STK32A: variants seen among roughly 807,000 people sequenced by gnomAD.
STK32A encodes serine/threonine kinase 32A.
In STK32A, 41 loss-of-function variants were observed where a neutral mutation model predicts 53.2. The observed-to-expected ratio is 0.77, with a 90% CI of 0.60 to 1.00. STK32A has a LOEUF of 1.00. Among genes scored for constraint, STK32A ranks in the 50% least tolerant of loss-of-function variants. The probability of loss-of-function intolerance (pLI) is 0.00; values close to 1 mark genes in which losing one functional copy is unlikely to be tolerated. For synonymous variants in STK32A, 166 were observed against 162.8 expected (o/e 1.02, Z -0.15); for missense variants, 458 against 485.8 (o/e 0.94, Z 0.54).
At chr5:147,370,429 G>A (rs1488356640) in intron 8 of STK32A, among the ~76,000 whole-genome samples, 2 of 152,082 alleles carry the variant, frequency 1.3e-5, no homozygotes, top group Non-Finnish European at 2.9e-5. Context: ...AAAATTTATG[G>A]TATTTTAGAA....
At chr5:147,338,329 C>T (rs1225629894) in intron 5 of STK32A, among the ~76,000 whole-genome samples, 1 of 152,180 alleles carries the variant, frequency 6.6e-6, no homozygotes, top group Non-Finnish European at 1.5e-5. Flanking sequence ...GCCTTTGCTT[C>T]TCCATCACCT....
At chr5:147,260,403 C>T (rs1457498515) in intron 2 of STK32A, among the ~76,000 whole-genome samples, 1 of 151,944 alleles carries the variant, frequency 6.6e-6, no homozygotes, top group African/African-American at 2.4e-5. Flanking sequence ...TCTCCCCTCT[C>T]CTTCCTCTTT....
At chr5:147,242,413 G>A (rs755225374) in intron 2 of STK32A, among the ~76,000 whole-genome samples, 2 of 152,198 alleles carry the variant, frequency 1.3e-5, no homozygotes, top group Non-Finnish European at 2.9e-5. Context: ...CAATAAAAAG[G>A]TAAATAATAC....
chr5:147,248,654 C>G (rs1215905880), intron 2 of STK32A, among the ~76,000 whole-genome samples: 1 of 152,180 alleles, frequency 6.6e-6, no homozygotes, highest in African/African-American at 2.4e-5. Context: ...TTTCTGACTT[C>G]TGAGCAAATC....
intron 2 of STK32A, among the ~76,000 whole-genome samples, chr5:147,264,207 G>C (rs1400972794): frequency 1.3e-5 from 2 of 152,180 alleles, no homozygotes; most frequent in Non-Finnish European, 2.9e-5. Flanking sequence ...AGTAAAACAA[G>C]AAAGAAGGGG....
intron 7 of STK32A, among the ~76,000 whole-genome samples, chr5:147,358,707 T>G (rs1756365783): frequency 6.6e-6 from 1 of 152,198 alleles, no homozygotes; most frequent in Non-Finnish European, 1.5e-5. Flanking sequence ...GGATTTAATT[T>G]AATGGAATTT....
chr5:147,238,964 T>C (rs1444388114), intron 1 of STK32A, among the ~76,000 whole-genome samples: 1 of 152,162 alleles, frequency 6.6e-6, no homozygotes, highest in African/African-American at 2.4e-5. Context: ...TAATATATAA[T>C]GAGTTAAATG....
At chr5:147,301,467 C>T (rs1243454980) in intron 4 of STK32A, among the ~76,000 whole-genome samples, 5 of 152,080 alleles carry the variant, frequency 3.3e-5, no homozygotes, top group Admixed American at 1.3e-4. Context: ...CCTGCTTCCC[C>T]ATAGCCAGAA....
intron 2 of STK32A, among the ~76,000 whole-genome samples, chr5:147,261,773 A>G (rs1754583991): frequency 6.6e-6 from 1 of 152,182 alleles, no homozygotes; most frequent in South Asian, 2.1e-4. Flanking sequence ...GGAATTCACA[A>G]GTAGGATTAT....
chr5:147,260,879 G>A (rs1754533201), intron 2 of STK32A, among the ~76,000 whole-genome samples: 3 of 152,220 alleles, frequency 2.0e-5, no homozygotes, highest in Admixed American at 6.5e-5. Context: ...CAGGTCGTTT[G>A]TGATCATTCA....
At chr5:147,273,367 T>C (rs559760241) in intron 2 of STK32A, among the ~76,000 whole-genome samples, 5 of 152,284 alleles carry the variant, frequency 3.3e-5, no homozygotes, top group African/African-American at 1.2e-4. Flanking sequence ...TGTTATACAA[T>C]AAGAATAACA....
chr5:147,258,708 A>G (rs1754350951), intron 2 of STK32A, among the ~76,000 whole-genome samples: 1 of 150,144 alleles, frequency 6.7e-6, no homozygotes, highest in Non-Finnish European at 1.5e-5. Flanking sequence ...TAAGATAATC[A>G]TTCTTCTCCA....
At chr5:147,356,117 C>T (rs1257289982) in intron 7 of STK32A, among the ~76,000 whole-genome samples, 4 of 151,876 alleles carry the variant, frequency 2.6e-5, no homozygotes, top group Non-Finnish European at 5.9e-5. Context: ...AAAAAAAAAT[C>T]AGGCCCAGAG....
chr5:147,370,847 T>C, intron 9 of STK32A, 77 bp downstream of exon 9: 1 of 932,502 alleles, frequency 1.1e-6, no homozygotes, highest in Non-Finnish European at 1.7e-6. Context: ...GAAGTTAGTA[T>C]ACAATATTGG....
chr5:147,347,990 G>A (rs1236793841), intron 6 of STK32A, among the ~76,000 whole-genome samples: 4 of 152,186 alleles, frequency 2.6e-5, no homozygotes, highest in African/African-American at 9.7e-5. Context: ...AAGTGGACTA[G>A]AACTCTGAGC....
At chr5:147,369,852 T>C (rs1756928508) in intron 8 of STK32A, among the ~76,000 whole-genome samples, 1 of 152,112 alleles carries the variant, frequency 6.6e-6, no homozygotes, top group Non-Finnish European at 1.5e-5. Context: ...ACAAGAATGA[T>C]ATAATCTCTG....
chr5:147,259,829 TTCTCTCTCCTCTG>T (rs1400694641), intron 2 of STK32A, among the ~76,000 whole-genome samples: 3 of 144,562 alleles, frequency 2.1e-5, no homozygotes, highest in Admixed American at 6.9e-5. Flanking sequence ...TCTCTCTTGT[TTCTCTCTCCTCTG>T]TCTCTCTCCT....
intron 5 of STK32A, among the ~76,000 whole-genome samples, chr5:147,339,606 C>T (rs1222336650): frequency 6.6e-6 from 1 of 152,338 alleles, no homozygotes; most frequent in Admixed American, 6.5e-5. Flanking sequence ...ACATACAATG[C>T]CAGCCAATGA....
At chr5:147,368,938 T>C (rs563668209) in intron 8 of STK32A, among the ~76,000 whole-genome samples, 1 of 152,166 alleles carries the variant, frequency 6.6e-6, no homozygotes, top group South Asian at 2.1e-4. Context: ...CAGAAAAAAG[T>C]AAAAACACAT....
Sources: allele counts gnomAD v4.1 joint callset (sites outside exome capture counted in the v4.1 genomes callset), GRCh38; gene constraint gnomAD v4.1.1; transcripts MANE v1.5; gene names NCBI Gene and HGNC (gene_info 2026-07-23, HGNC 2026-07-21).